Variants in PLEKHA7 observed in about 807,000 individuals in gnomAD.
PLEKHA7 encodes pleckstrin homology domain-containing family A member 7.
A neutral mutation model predicts 170.0 loss-of-function variants in PLEKHA7; 104 were observed. That is an observed-to-expected ratio of 0.61 (90% CI 0.52 to 0.72). The LOEUF (loss-of-function observed/expected upper bound fraction) is 0.72. Ranked by LOEUF, PLEKHA7 falls within the 30% of genes least tolerant of loss-of-function variation. The pLI is 0.00. For synonymous variants in PLEKHA7, 648 were observed against 660.8 expected (o/e 0.98, Z 0.30); for missense variants, 1,615 against 1,671.7 (o/e 0.97, Z 0.59).
At chr11:16,990,503 C>T (rs1008486877) in intron 3 of PLEKHA7, among the ~76,000 whole-genome samples, 3 of 152,132 alleles carry the variant, frequency 2.0e-5, no homozygotes, top group African/African-American at 7.2e-5. Flanking sequence ...TCCTTGGAGC[C>T]TTTCTCAGTT....
chr11:16,894,327 C>T (rs1856864240), intron 3 of PLEKHA7, among the ~76,000 whole-genome samples: 1 of 152,210 alleles, frequency 6.6e-6, no homozygotes, highest in African/African-American at 2.4e-5. Context: ...CCTAATGATG[C>T]CCATTCAGGA....
chr11:16,870,755 T>A (rs754731547), intron 4 of PLEKHA7, among the ~76,000 whole-genome samples: 5 of 151,946 alleles, frequency 3.3e-5, no homozygotes, highest in Admixed American at 6.6e-5. Context: ...GTGTGCCAGC[T>A]ATATTTTCAC....
chr11:16,811,874 GATCC>G (rs1466160662), intron 13 of PLEKHA7, among the ~76,000 whole-genome samples: 1 of 152,078 alleles, frequency 6.6e-6, no homozygotes, highest in Non-Finnish European at 1.5e-5. Flanking sequence ...GGCTCTCACT[GATCC>G]TTCCCTTTAA....
intron 3 of PLEKHA7, among the ~76,000 whole-genome samples, chr11:17,007,545 A>G (rs1865078837): frequency 6.6e-6 from 1 of 150,424 alleles, no homozygotes; most frequent in Admixed American, 6.7e-5. Context: ...AGAAGAACAA[A>G]ATTTTACATT....
chr11:16,967,240 T>C (rs1243065605), intron 3 of PLEKHA7, among the ~76,000 whole-genome samples: 2 of 152,204 alleles, frequency 1.3e-5, no homozygotes, highest in Non-Finnish European at 2.9e-5. Flanking sequence ...GCTTTGCTAG[T>C]TAAAGTTTAG....
At chr11:16,784,009 C>T (rs1249809890) in intron 24 of PLEKHA7, among the ~76,000 whole-genome samples, 176 bp from the exon 25 acceptor site, 2 of 152,126 alleles carry the variant, frequency 1.3e-5, no homozygotes, top group South Asian at 2.1e-4. Flanking sequence ...AACCTGAGTC[C>T]GACTCCAAAG....
At chr11:16,969,597 G>C (rs2136698416) in intron 3 of PLEKHA7, among the ~76,000 whole-genome samples, 1 of 152,078 alleles carries the variant, frequency 6.6e-6, no homozygotes, top group Admixed American at 6.5e-5. Context: ...TCGTCATGCT[G>C]CAACTGTTCA....
At chr11:16,800,910 G>A in intron 17 of PLEKHA7, 64 bp downstream of exon 17, 1 of 1,420,680 alleles carries the variant, frequency 7.0e-7, no homozygotes. Context: ...GAAGTCTCTT[G>A]GAAAAACAAA....
At chr11:16,904,420 T>A (rs1459244258) in intron 3 of PLEKHA7, among the ~76,000 whole-genome samples, 1 of 152,218 alleles carries the variant, frequency 6.6e-6, no homozygotes, top group African/African-American at 2.4e-5. Flanking sequence ...TTATACTTGA[T>A]GAAACATTGT....
intron 3 of PLEKHA7, among the ~76,000 whole-genome samples, chr11:16,889,994 A>G (rs926800689): frequency 6.6e-6 from 1 of 152,140 alleles, no homozygotes; most frequent in Non-Finnish European, 1.5e-5. Flanking sequence ...TTGGGGTTCT[A>G]TTTCCAGTCT....
intron 3 of PLEKHA7, among the ~76,000 whole-genome samples, chr11:16,982,018 C>T (rs981446906): frequency 1.3e-5 from 2 of 152,208 alleles, no homozygotes; most frequent in African/African-American, 4.8e-5. Flanking sequence ...GAAGGACAGA[C>T]GGTGGTGAGA....
chr11:16,989,367 C>T (rs544949958), intron 3 of PLEKHA7, among the ~76,000 whole-genome samples: 42 of 152,208 alleles, frequency 2.8e-4, no homozygotes, highest in African/African-American at 9.1e-4. Context: ...TCCTCAGCTA[C>T]GAAATGAGCT....
rs1472175046 is a variant in PLEKHA7 at position 16,841,531 on chromosome 11, C to T, written c.872+16G>A. 3 of 1,607,376 alleles carry T rather than the reference C, an allele frequency of 1.9e-6. No individual in the cohort carries two copies. The highest frequency in any genetic ancestry group is 3.3e-5 in the Admixed American group (2 of 59,730). ...TGTAGGAGGTGCTGTGGCAGGGACC[C>T]TCCATCAGAACTAACCTCTTCAGTG... On this transcript the variant is annotated intron_variant, in intron 9 of 26. Transcript: ENST00000531066.
chr11:16,876,713 C>G (rs11605493), intron 3 of PLEKHA7, among the ~76,000 whole-genome samples: 10 of 152,266 alleles, frequency 6.6e-5, no homozygotes, highest in Non-Finnish European at 1.3e-4. Context: ...GACAGTCAAC[C>G]TACAATGACA....
chr11:16,804,891 G>GT (rs1384365769), intron 13 of PLEKHA7, among the ~76,000 whole-genome samples: 1 of 152,156 alleles, frequency 6.6e-6, no homozygotes, highest in African/African-American at 2.4e-5. Flanking sequence ...CTGCAATGCG[G>GT]GGGGGGCGGT....
intron 8 of PLEKHA7, among the ~76,000 whole-genome samples, chr11:16,847,842 C>CAA (rs35191685): frequency 4.7e-4 from 48 of 101,252 alleles, no homozygotes; most frequent in Middle Eastern, 5.3e-3. Flanking sequence ...AATTCTGTCT[C>CAA]AAAAAAAAAA....
intron 13 of PLEKHA7, among the ~76,000 whole-genome samples, chr11:16,811,556 T>C (rs1214774693): frequency 1.3e-5 from 2 of 152,174 alleles, no homozygotes; most frequent in African/African-American, 4.8e-5. Context: ...CCCCACAGGC[T>C]GCAGGAGGAT....
At chr11:16,905,962 A>G (rs1857631820) in intron 3 of PLEKHA7, among the ~76,000 whole-genome samples, 1 of 151,536 alleles carries the variant, frequency 6.6e-6, no homozygotes, top group African/African-American at 2.4e-5. Context: ...CCTTGATAGC[A>G]GCCCTCTAGG....
intron 3 of PLEKHA7, among the ~76,000 whole-genome samples, chr11:16,937,580 A>T (rs1440640107): frequency 6.6e-6 from 1 of 152,028 alleles, no homozygotes; most frequent in Non-Finnish European, 1.5e-5. Flanking sequence ...ACTAGGAAGC[A>T]CTTAGCTATC....
Sources: allele counts gnomAD v4.1 joint callset (sites outside exome capture counted in the v4.1 genomes callset), GRCh38; gene constraint gnomAD v4.1.1; transcripts MANE v1.5; gene names NCBI Gene and HGNC (gene_info 2026-07-23, HGNC 2026-07-21).